TSR1: variants seen among roughly 807,000 people sequenced by gnomAD.
TSR1 encodes pre-rRNA-processing protein TSR1 homolog.
Under a neutral mutation model 90.9 loss-of-function variants are expected in TSR1, and 81 were observed. That is an observed-to-expected ratio of 0.89 (90% CI 0.74 to 1.07). The LOEUF is 1.07. Ranked by LOEUF, TSR1 falls within the 50% of genes least tolerant of loss-of-function variation. TSR1 has a pLI of 0.00. For synonymous variants in TSR1, 362 were observed against 348.8 expected, an observed-to-expected ratio of 1.04 and a Z score of -0.42; for missense variants, 989 against 987.3, an observed-to-expected ratio of 1.00 and a Z score of -0.02.
At position 2,323,741 on chromosome 17, in the gene TSR1, T is replaced by C; in HGVS notation, c.*455A>G. The C allele has an allele frequency of 1.2e-6, 2 of 1,614,208 alleles. No individual in the cohort carries two copies. Among genetic ancestry groups the C allele is most frequent in the Non-Finnish European group, 1.7e-6 (2 of 1,180,026 alleles). On this transcript the variant is annotated 3_prime_UTR_variant, in exon 15 of 15. Transcript: ENST00000301364. ...GAGTGGCTGCTGTGCTGTCTCAACA[T>C]TTTCAAACTGTTTCCCCAGAAGTAA...
At position 2,330,566 on chromosome 17, in the gene TSR1, G is replaced by T; in HGVS notation, c.1719C>A (p.Phe573Leu). ...SEVPVSVVEC[F>L]RQGTPLIAFS... ...ATGCAATCAAGGGTGTTCCTTGCCT[G>T]AAGCACTCGACCACTGAGACGGGGA... The change falls in exon 10 of 15, where the codon TTC becomes TTA. Residue 573 changes from phenylalanine (F) to leucine (L), a missense_variant. Phe to Leu is a conservative substitution (Grantham distance 22). Coordinates refer to ENST00000301364, the MANE Select transcript of TSR1 (RefSeq NM_018128.5). 5.6e-6 allele frequency: 9 copies of T among 1,614,006 alleles called. No individual in the cohort carries two copies. Among genetic ancestry groups the T allele is most frequent in the Non-Finnish European group, 7.6e-6 (9 of 1,179,982 alleles).
intron 10 of TSR1, among the ~76,000 whole-genome samples, chr17:2,329,872 T>G (rs1298135378): frequency 2.0e-5 from 3 of 151,710 alleles, no homozygotes; most frequent in African/African-American, 7.3e-5. Flanking sequence ...CCCCACAACA[T>G]ACACAACTAC....
At chr17:2,333,874 T>C (rs993619832) in intron 5 of TSR1, among the ~76,000 whole-genome samples, 158 bp from the exon 6 acceptor site, 7 of 152,112 alleles carry the variant, frequency 4.6e-5, no homozygotes, top group African/African-American at 1.7e-4. Context: ...TGTTTTCTAA[T>C]TTCCAGGGTA....
Position 2,336,369 on chromosome 17 carries a change from C to T in TSR1, c.59G>A (p.Arg20Gln). 3.1e-6 allele frequency: 5 copies of T among 1,613,848 alleles called. No individual in the cohort carries two copies. Among genetic ancestry groups the T allele is most frequent in the Non-Finnish European group, 4.2e-6 (5 of 1,180,046 alleles). ...CTGTGCAGATCCCCGACCCCGATGCCGTCCGCCTTTATGAGCTTTATTCTG... is the reference window on the plus strand; with the variant it reads ...CTGTGCAGATCCCCGACCCCGATGCTGTCCGCCTTTATGAGCTTTATTCTG... ...KQQNKAHKGG[R>Q]HRGRGSAQRD... Residue 20 changes from arginine (R) to glutamine (Q), a missense_variant, in exon 1 of 15, where the codon CGG becomes CAG. Coordinates refer to ENST00000301364, the MANE Select transcript of TSR1 (RefSeq NM_018128.5).
At position 2,334,478 on chromosome 17, in the gene TSR1, T is replaced by C. The variant is rs781357561; in HGVS notation, c.975A>G (p.Ala325=). The C allele has an allele frequency of 5.6e-6, 9 of 1,611,996 alleles. No homozygotes were observed. The highest frequency in any genetic ancestry group is 1.6e-4 in the Middle Eastern group (1 of 6,078). The part of the protein sequence containing the change: ...GIKPQKDPDM[A]MEICATDAVD... ...TTAAGAATATCAGTCTTACCTCCAT[T>C]GCCATGTCTGGGTCCTTTTGGGGTT... is the stretch of plus-strand genomic sequence containing the variant. Residue 325 remains alanine (A), a synonymous_variant, in exon 5 of 15, where the codon GCA becomes GCG. Transcript: ENST00000301364.
chr17:2,330,661 C>G (rs2075599568), intron 9 of TSR1, 36 bp from the exon 10 acceptor site: 1 of 1,595,134 alleles, frequency 6.3e-7, no homozygotes, highest in Non-Finnish European at 8.6e-7. Flanking sequence ...CATGGAGTTA[C>G]CTTTCAAAGT....
rs763383117 is a variant in TSR1 at position 2,323,740 on chromosome 17, A to AT, written c.*455dup. The AT allele has an allele frequency of 7.4e-6, 12 of 1,614,016 alleles. No individual in the cohort carries two copies. On this transcript the variant is annotated 3_prime_UTR_variant, in exon 15 of 15. Coordinates refer to ENST00000301364, the MANE Select transcript of TSR1 (RefSeq NM_018128.5). ...GGAGTGGCTGCTGTGCTGTCTCAAC[A>AT]TTTTCAAACTGTTTCCCCAGAAGTA...
rs1287033606 is a variant in TSR1 at position 2,336,407 on chromosome 17, G to C, written c.21C>G (p.Gly7=). ...GAGCTTTATTCTGCTGCTTGAGCGG[G>C]CCGGGGCGGTGGGCCGCCATGCCGC... is the stretch of plus-strand genomic sequence containing the variant. MAAHRP[G]PLKQQNKAHK... is the part of the protein sequence containing the mutation. The change falls in exon 1 of 15, where the codon GGC becomes GGG. Residue 7 remains glycine (G), a synonymous_variant. Coordinates refer to ENST00000301364, the MANE Select transcript of TSR1 (RefSeq NM_018128.5). The C allele has an allele frequency of 6.2e-7, 1 of 1,611,918 alleles. No individual in the cohort carries two copies. The highest frequency in any genetic ancestry group is 8.5e-7 in the Non-Finnish European group (1 of 1,179,982).
In TSR1 at chr17:2,334,859, C is replaced by A; in HGVS notation, c.594G>T (p.Lys198Asn). The change falls in exon 5 of 15, where the codon AAG becomes AAT. Residue 198 changes from lysine (K) to asparagine (N), a missense_variant. Physicochemically the swap from Lys to Asn is moderately conservative, Grantham distance 94. Coordinates refer to ENST00000301364, the MANE Select transcript of TSR1 (RefSeq NM_018128.5). ...AVQGISGLPL[K>N]KQIDTRKKLS... ...GCTTCTTCCTGGTATCTATTTGTTT[C>A]TTCAGTGGGAGGCCAGAAATCCCCT... is the stretch of plus-strand genomic sequence containing the variant. The A allele has an allele frequency of 6.2e-7, 1 of 1,613,482 alleles. No individual in the cohort carries two copies. Among genetic ancestry groups the A allele is most frequent in the Non-Finnish European group, 8.5e-7 (1 of 1,179,790 alleles).
In TSR1 at chr17:2,323,317, T is replaced by C. The variant is rs1291429472; in HGVS notation, c.*879A>G. ...ATTATCAGGGACCTTGTGGATGATA[T>C]CTTCACTGTCACAGAGGATGAAATT... On this transcript the variant is annotated 3_prime_UTR_variant, in exon 15 of 15. Coordinates refer to ENST00000301364, the MANE Select transcript of TSR1 (RefSeq NM_018128.5). 5 of 1,613,918 alleles carry C rather than the reference T, an allele frequency of 3.1e-6. No homozygotes were observed. In the African/African-American group the frequency reaches 6.7e-5, roughly 22 times the overall value.
Position 2,330,577 on chromosome 17 carries a change from C to A in TSR1, c.1708G>T (p.Val570Phe), listed in dbSNP as rs1028327520. 3.1e-6 allele frequency: 5 copies of A among 1,614,014 alleles called. No individual in the cohort carries two copies. The highest frequency in any genetic ancestry group is 4.2e-6 in the Non-Finnish European group (5 of 1,180,002). The change falls in exon 10 of 15, where the codon GTC becomes TTC. Residue 570 changes from valine to phenylalanine, a missense_variant. Transcript: ENST00000301364. ...LHVSEVPVSV[V>F]ECFRQGTPLI... ...GGTGTTCCTTGCCTGAAGCACTCGA[C>A]CACTGAGACGGGGACTTCAGAGACA...
At position 2,333,160 on chromosome 17, in the gene TSR1, C is replaced by CTTCT. The variant is rs562586489; in HGVS notation, c.1142-40_1142-37dup. 1,781 of 1,607,680 alleles carry CTTCT rather than the reference C, an allele frequency of 1.1e-3. 9 individuals are homozygous for CTTCT. The African/African-American group carries it at 0.013, about 11-fold the overall frequency. On this transcript the variant is annotated intron_variant, in intron 6 of 14. Coordinates refer to ENST00000301364, the MANE Select transcript of TSR1 (RefSeq NM_018128.5). Reference sequence around the variant, plus strand: ...CCAAACAAATTAAGTAAATTACAGACTTCTTTTCCCTATCCCTCTGGTTAT... The same window carrying CTTCT: ...CCAAACAAATTAAGTAAATTACAGACTTCTTTCTTTTCCCTATCCCTCTGGTTAT...
chr17:2,335,840 G>A, intron 2 of TSR1, 110 bp from the exon 3 acceptor site: 2 of 1,351,140 alleles, frequency 1.5e-6, no homozygotes, highest in Non-Finnish European at 2.0e-6. Context: ...CATCTCTCTA[G>A]TAAAAGACCA....
At chr17:2,330,432 T>A (rs1462790228) in intron 10 of TSR1, 83 bp downstream of exon 10, 1 of 1,301,428 alleles carries the variant, frequency 7.7e-7, no homozygotes, top group East Asian at 2.3e-5. Context: ...AAAATTTTAG[T>A]CACACATAAA....
At position 2,334,545 on chromosome 17, in the gene TSR1, T is replaced by C; in HGVS notation, c.908A>G (p.Asp303Gly). 1 of 1,614,210 alleles carries C rather than the reference T, an allele frequency of 6.2e-7. No individual in the cohort carries two copies. The highest frequency in any genetic ancestry group is 8.5e-7 in the Non-Finnish European group (1 of 1,180,038). The part of the protein sequence containing the change: ...GYGDFQMKQI[D>G]APGDPFPLNP... ...TAAAGGGAAAGGGTCTCCGGGGGCA[T>C]CTATCTGTTTCATCTGGAAATCACC... is the stretch of plus-strand genomic sequence containing the variant. Residue 303 changes from aspartate (D) to glycine (G), a missense_variant, in exon 5 of 15, where the codon GAT becomes GGT. By Grantham distance (94) the Asp-to-Gly change is moderately conservative. Transcript: ENST00000301364.
In TSR1 at chr17:2,323,286, T is replaced by C. The variant is rs771587282; in HGVS notation, c.*910A>G. 1 of 1,614,034 alleles carries C rather than the reference T, an allele frequency of 6.2e-7. No individual in the cohort carries two copies. The highest frequency in any genetic ancestry group is 1.3e-5 in the African/African-American group (1 of 74,938). ...CAAATCCAGCATTGGCTTGAACACCTGGCCTATTATCAGGGACCTTGTGGA... is the reference window on the plus strand; with the variant it reads ...CAAATCCAGCATTGGCTTGAACACCCGGCCTATTATCAGGGACCTTGTGGA... On this transcript the variant is annotated 3_prime_UTR_variant, in exon 15 of 15. Transcript: ENST00000301364.
intron 11 of TSR1, among the ~76,000 whole-genome samples, chr17:2,328,733 G>A (rs1208551624): frequency 1.3e-5 from 2 of 151,024 alleles, no homozygotes; most frequent in East Asian, 3.9e-4. Context: ...TGGCTAACAC[G>A]GTGAAACCCC....
chr17:2,322,869 A>T lies in TSR1; in HGVS notation c.*1327T>A. The T allele has an allele frequency of 2.4e-6, 1 of 409,154 alleles. No individual in the cohort carries two copies. The highest frequency in any genetic ancestry group is 2.2e-5 in the South Asian group (1 of 45,022). The allele number at this position is 409,154 out of a possible 1,614,324, so 25.3% of individuals were successfully genotyped here. The stretch of plus-strand genomic sequence containing the variant: ...AACCTACCCCTCCCAAGTTCAAGTG[A>T]TTCTCCTACCTCAGCCTCTTGAGTA... On this transcript the variant is annotated 3_prime_UTR_variant, in exon 15 of 15. Coordinates refer to ENST00000301364, the MANE Select transcript of TSR1 (RefSeq NM_018128.5).
chr17:2,332,099 A>G lies in TSR1; in HGVS notation c.1496+70T>C, dbSNP rs1597277881. On this transcript the variant is annotated intron_variant, in intron 8 of 14. Transcript: ENST00000301364. ...TTTTCTTCTTTTGCATCACAGTGAC[A>G]CAGCTCTGAGCCAAGTTTTTAAAAA... The G allele has an allele frequency of 3.9e-6, 6 of 1,556,702 alleles. No individual in the cohort carries two copies. In the East Asian group the frequency reaches 1.3e-4, roughly 35 times the overall value.
Sources: gnomAD v4.1 joint callset for allele counts (sites outside exome capture counted in the v4.1 genomes callset) on GRCh38, gnomAD v4.1.1 for gene constraint, MANE v1.5 for transcripts, NCBI Gene and HGNC (gene_info 2026-07-23, HGNC 2026-07-21) for gene names.